The following RNF180 variants were observed in gnomAD, a reference collection of about 807,000 sequenced individuals.
The protein encoded by RNF180 is E3 ubiquitin-protein ligase RNF180.
Under a neutral mutation model 59.2 loss-of-function variants are expected in RNF180, and 38 were observed. The observed-to-expected ratio is 0.64, with a 90% CI of 0.50 to 0.84. The LOEUF is 0.84. Among genes scored for constraint, RNF180 ranks in the 40% least tolerant of loss-of-function variants. The pLI, the probability that RNF180 is intolerant of heterozygous loss-of-function variation, is 0.00. For missense variants in RNF180, 705 were observed against 700.9 expected (o/e 1.01, Z -0.07); for synonymous variants, 262 against 240.3 (o/e 1.09, Z -0.84).
chr5:64,291,707 G>A (rs1411194168), intron 5 of RNF180, among the ~76,000 whole-genome samples: 1 of 151,932 alleles, frequency 6.6e-6, no homozygotes. Context: ...GATTACAGGC[G>A]TGAGCCACCG....
At chr5:64,251,420 T>C (rs886066118) in intron 5 of RNF180, among the ~76,000 whole-genome samples, 2 of 152,186 alleles carry the variant, frequency 1.3e-5, no homozygotes, top group African/African-American at 4.8e-5. Context: ...TTGAAATTAA[T>C]TAGTTAGCTA....
chr5:64,166,313 T>A (rs1396317005), intron 1 of RNF180: 1 of 152,786 alleles, frequency 6.5e-6, no homozygotes, highest in Non-Finnish European at 1.5e-5. Context: ...GGTCCAGTAC[T>A]GAACCCTCTC....
At chr5:64,227,899 C>G (rs1741870959) in intron 5 of RNF180, among the ~76,000 whole-genome samples, 1 of 152,174 alleles carries the variant, frequency 6.6e-6, no homozygotes, top group Non-Finnish European at 1.5e-5. Flanking sequence ...TTTTCTCTCT[C>G]ATTGCTCCAT....
At chr5:64,282,927 G>T (rs1430482735) in intron 5 of RNF180, among the ~76,000 whole-genome samples, 1 of 152,126 alleles carries the variant, frequency 6.6e-6, no homozygotes, top group Non-Finnish European at 1.5e-5. Flanking sequence ...TGATCATGTG[G>T]TTATTTTAGA....
intron 5 of RNF180, among the ~76,000 whole-genome samples, chr5:64,276,076 C>G (rs1741695326): frequency 6.6e-6 from 1 of 152,028 alleles, no homozygotes. Flanking sequence ...CCCATAGAAT[C>G]TTTGTCTACT....
rs537375778 is a variant in RNF180, at chr5:64,372,742, A to C, written c.*2928A>C. ...CTGTCATTTAGGAAAGTGTTCCTAA[A>C]GGTTTGAATGCTTTAACATGCTCAA... On this transcript the variant is annotated 3_prime_UTR_variant, in exon 8 of 8. Coordinates refer to ENST00000389100, the MANE Select transcript of RNF180 (RefSeq NM_001113561.2). The C allele has an allele frequency of 6.6e-6, 1 of 151,862 alleles. No individual in the cohort carries two copies. The highest frequency in any genetic ancestry group is 2.4e-5 in the African/African-American group (1 of 41,402). The allele number at this position is 151,862 out of a possible 1,614,324, so 9.4% of individuals were successfully genotyped here. A position where few individuals can be genotyped will look rare whatever the true frequency, so the allele number is the denominator to read the frequency against.
chr5:64,224,254 A>G (rs984914107), intron 5 of RNF180, among the ~76,000 whole-genome samples: 3 of 152,212 alleles, frequency 2.0e-5, no homozygotes, highest in Admixed American at 1.3e-4. Context: ...ATTCTGATGG[A>G]TGTTATAGAG....
At chr5:64,356,999 A>G (rs1450995017) in intron 7 of RNF180, among the ~76,000 whole-genome samples, 1 of 151,924 alleles carries the variant, frequency 6.6e-6, no homozygotes, top group Non-Finnish European at 1.5e-5. Context: ...TATCTTACCC[A>G]ATAAAAACTA....
chr5:64,282,903 A>C (rs1742083544), intron 5 of RNF180, among the ~76,000 whole-genome samples: 1 of 151,992 alleles, frequency 6.6e-6, no homozygotes, highest in Non-Finnish European at 1.5e-5. Flanking sequence ...TCAATTTGAG[A>C]ATTGTTTTGT....
At chr5:64,327,687 A>G (rs1274203542) in intron 6 of RNF180, among the ~76,000 whole-genome samples, 1 of 152,158 alleles carries the variant, frequency 6.6e-6, no homozygotes, top group Non-Finnish European at 1.5e-5. Flanking sequence ...CTTTTGTTCT[A>G]ACACATGGCC....
In RNF180 at chr5:64,214,280, A is replaced by C. The variant is rs1752495443; in HGVS notation, c.954A>C (p.Ser318=). 2 of 1,613,988 alleles carry C rather than the reference A, an allele frequency of 1.2e-6. No individual in the cohort carries two copies. Among genetic ancestry groups the C allele is most frequent in the African/African-American group, 2.7e-5 (2 of 74,928 alleles). The stretch of plus-strand genomic sequence containing the variant: ...TTCAGTGTGGTCTAGAAGCTGCTTC[A>C]GTGTATTCTGACCATACTAATACTA... ...GEFQCGLEAA[S]VYSDHTNTNN... The change falls in exon 4 of 8, where the codon TCA becomes TCC. Residue 318 remains serine (S), a synonymous_variant. Coordinates refer to ENST00000389100, the MANE Select transcript of RNF180 (RefSeq NM_001113561.2).
chr5:64,186,153 AATTCCTC>A (rs1750864606), intron 1 of RNF180, among the ~76,000 whole-genome samples: 1 of 152,124 alleles, frequency 6.6e-6, no homozygotes. Flanking sequence ...TGTATGTGAC[AATTCCTC>A]TTGCCCTGAA....
chr5:64,212,218 C>T (rs542904002), intron 3 of RNF180, 58 bp downstream of exon 3: 35 of 1,045,732 alleles, frequency 3.3e-5, no homozygotes, highest in Non-Finnish European at 4.8e-5. Flanking sequence ...ATGTTTTTGT[C>T]CTCCTTTTAG....
At chr5:64,193,284 G>A in intron 1 of RNF180, among the ~76,000 whole-genome samples, 1 of 151,978 alleles carries the variant, frequency 6.6e-6, no homozygotes, top group Non-Finnish European at 1.5e-5. Context: ...TTCATTTTAA[G>A]TGTTCTTAAC....
chr5:64,226,217 G>A (rs902178837), intron 5 of RNF180, among the ~76,000 whole-genome samples: 9 of 152,062 alleles, frequency 5.9e-5, no homozygotes, highest in African/African-American at 9.7e-5. Context: ...CGGTTTTGTC[G>A]AAAAGAAAAG....
intron 7 of RNF180, among the ~76,000 whole-genome samples, chr5:64,341,725 C>A (rs1561271788): frequency 1.3e-5 from 2 of 152,120 alleles, no homozygotes; most frequent in Non-Finnish European, 2.9e-5. Context: ...TGGATACTCA[C>A]TCCTGGGACA....
At chr5:64,170,948 A>T (rs553394808) in intron 1 of RNF180, among the ~76,000 whole-genome samples, 2 of 152,156 alleles carry the variant, frequency 1.3e-5, no homozygotes, top group South Asian at 4.1e-4. Context: ...GTCTTCCTTT[A>T]CCTGTTGGTG....
chr5:64,247,269 C>G (rs1283879306), intron 5 of RNF180, among the ~76,000 whole-genome samples: 1 of 152,112 alleles, frequency 6.6e-6, no homozygotes, highest in Non-Finnish European at 1.5e-5. Flanking sequence ...CCAGGGTAAT[C>G]AAGCAAGGGA....
chr5:64,344,636 G>C (rs1188333135), intron 7 of RNF180, among the ~76,000 whole-genome samples: 1 of 152,082 alleles, frequency 6.6e-6, no homozygotes. Context: ...TGTGTTCAAA[G>C]TCAGTGCTTT....
Sources: gnomAD v4.1 joint callset for allele counts (sites outside exome capture counted in the v4.1 genomes callset) on GRCh38, gnomAD v4.1.1 for gene constraint, MANE v1.5 for transcripts, NCBI Gene and HGNC (gene_info 2026-07-23, HGNC 2026-07-21) for gene names.